The following PCDHB15 variants were observed in gnomAD, a reference collection of about 807,000 sequenced individuals.
PCDHB15 encodes protocadherin beta-15.
For missense variants in PCDHB15, 1,032 were observed against 991.7 expected (o/e 1.04, Z -0.55); for synonymous variants, 492 against 447.9 (o/e 1.10, Z -1.24).
chr5:141,247,312 G>A lies in PCDHB15; in HGVS notation c.1734G>A (p.Arg578=), dbSNP rs782628315. Residue 578 remains arginine (R), a synonymous_variant, in exon 1 of 1, where the codon CGG becomes CGA. Transcript: ENST00000231173. ...CGCCCTGCACCGAGCTGGTGCCCCG[G>A]GCGGCCGAGCCGGGCTACCTGGTGA... ...GSAPCTELVP[R]AAEPGYLVTK... is the part of the protein sequence containing the mutation. The A allele has an allele frequency of 1.1e-5, 17 of 1,608,508 alleles. No individual in the cohort carries two copies. In the Admixed American group the frequency reaches 2.7e-4, roughly 25 times the overall value.
chr5:141,246,878 G>T lies in PCDHB15; in HGVS notation c.1300G>T (p.Glu434Ter), dbSNP rs139501982. Reference sequence around the variant, plus strand: ...CTTGGGGACTCCAAGGCTGAAAACCGAGCAGAGCATAACCGTGCTGGTGTC... The same window carrying T: ...CTTGGGGACTCCAAGGCTGAAAACCTAGCAGAGCATAACCGTGCTGGTGTC... The part of the protein sequence containing the change: ...TDLGTPRLKT[E>*]QSITVLVSDV... The change falls in exon 1 of 1, where the codon GAG (glutamate) becomes TAG (stop). Residue 434 changes from glutamate (E) to a stop codon, truncating the protein, a stop_gained. Transcript: ENST00000231173. LOFTEE classifies it low-confidence loss of function (END_TRUNC). 3.7e-6 allele frequency: 6 copies of T among 1,613,976 alleles called. No homozygotes were observed. Among genetic ancestry groups the T allele is most frequent in the East Asian group, 4.5e-5 (2 of 44,880 alleles).
rs781798504 is a variant in PCDHB15, at chr5:141,245,919, TG to T, written c.343del (p.Glu115LysfsTer8). 2.5e-6 allele frequency: 4 copies of T among 1,614,162 alleles called. No individual in the cohort carries two copies. Among genetic ancestry groups the T allele is most frequent in the Non-Finnish European group, 3.4e-6 (4 of 1,180,030 alleles). Reference sequence around the variant, plus strand: ...TTCCAAGTGTTACTGAAAAAACCTTTGGAAGTATTTCGAGCTGAACTACTAG... The same window carrying T: ...TTCCAAGTGTTACTGAAAAAACCTTTGAAGTATTTCGAGCTGAACTACTAG... ...MHFQVLLKKP[L>X]EVFRAELLVT... On this transcript the variant is annotated frameshift_variant, in exon 1 of 1. Coordinates refer to ENST00000231173, the MANE Select transcript of PCDHB15 (RefSeq NM_018935.4). LOFTEE classifies it low-confidence loss of function (END_TRUNC).
chr5:141,247,088 G>T lies in PCDHB15; in HGVS notation c.1510G>T (p.Val504Phe), dbSNP rs782744231. 1 of 1,613,976 alleles carries T rather than the reference G, an allele frequency of 6.2e-7. No individual in the cohort carries two copies. Among genetic ancestry groups the T allele is most frequent in the Admixed American group, 1.7e-5 (1 of 60,014 alleles). The change falls in exon 1 of 1, where the codon GTC becomes TTC. Residue 504 changes from valine (V) to phenylalanine (F), a missense_variant. Transcript: ENST00000231173. ...RDPHLPLTSL[V>F]SINTDNGHLF... ...CCCGCACCTGCCCCTCACCTCCCTG[G>T]TCTCCATTAACACGGACAACGGCCA...
In PCDHB15 at chr5:141,247,289, C is replaced by T. The variant is rs1233965125; in HGVS notation, c.1711C>T (p.Pro571Ser). Residue 571 changes from proline to serine, a missense_variant, in exon 1 of 1, where the codon CCC (proline) becomes TCC (serine). Transcript: ENST00000231173. Reference protein sequence around the residue: ...VLYPLQNGSAPCTELVPRAAE... With the variant: ...VLYPLQNGSASCTELVPRAAE... The stretch of plus-strand genomic sequence containing the variant: ...GTACCCGCTGCAGAACGGCTCCGCG[C>T]CCTGCACCGAGCTGGTGCCCCGGGC... 1 of 1,610,004 alleles carries T rather than the reference C, an allele frequency of 6.2e-7. No individual in the cohort carries two copies. Among genetic ancestry groups the T allele is most frequent in the East Asian group, 2.2e-5 (1 of 44,858 alleles).
chr5:141,248,004 T>G lies in PCDHB15; in HGVS notation c.*62T>G. ...TTGTCTTCCTCACTTTTCACCTTAG[T>G]TTTTTTTAACCCTTTAGTAATCTTG... is the stretch of plus-strand genomic sequence containing the variant. On this transcript the variant is annotated 3_prime_UTR_variant, in exon 1 of 1. Coordinates refer to ENST00000231173, the MANE Select transcript of PCDHB15 (RefSeq NM_018935.4). 6.8e-7 allele frequency: 1 copy of G among 1,462,128 alleles called. No individual in the cohort carries two copies. The highest frequency in any genetic ancestry group is 9.2e-7 in the Non-Finnish European group (1 of 1,089,832). 90.6% of individuals were successfully genotyped at this position (1,462,128 alleles called of 1,614,324 possible).
rs1755306264 is a variant in PCDHB15, at chr5:141,247,506, T to C, written c.1928T>C (p.Leu643Pro). 2 of 1,608,868 alleles carry C rather than the reference T, an allele frequency of 1.2e-6. No individual in the cohort carries two copies. Among genetic ancestry groups the C allele is most frequent in the African/African-American group, 1.3e-5 (1 of 74,868 alleles). Residue 643 changes from leucine to proline, a missense_variant, in exon 1 of 1, where the codon CTG (leucine) becomes CCG (proline). Coordinates refer to ENST00000231173, the MANE Select transcript of PCDHB15 (RefSeq NM_018935.4). ...RDVAKHRLVVLVKDNGEPPRS... is the reference protein window; with the variant it reads ...RDVAKHRLVVPVKDNGEPPRS... ...GTGGCCAAGCACAGGCTAGTGGTGC[T>C]GGTCAAGGACAATGGCGAGCCTCCG...
In PCDHB15 at chr5:141,246,799, G is replaced by C. The variant is rs1278877065; in HGVS notation, c.1221G>C (p.Gly407=). 1.2e-6 allele frequency: 2 copies of C among 1,614,056 alleles called. No homozygotes were observed. The highest frequency in any genetic ancestry group is 1.7e-6 in the Non-Finnish European group (2 of 1,179,992). ...ATTTCTACAGGCTGGTAACAGAAGGGGCGCTGGACAGAGAGACCAGAGCCG... is the reference window on the plus strand; with the variant it reads ...ATTTCTACAGGCTGGTAACAGAAGGCGCGCTGGACAGAGAGACCAGAGCCG... ...VENFYRLVTE[G]ALDRETRAEY... The change falls in exon 1 of 1, where the codon GGG becomes GGC. Residue 407 remains glycine, a synonymous_variant. Coordinates refer to ENST00000231173, the MANE Select transcript of PCDHB15 (RefSeq NM_018935.4).
chr5:141,246,799 G>A lies in PCDHB15; in HGVS notation c.1221G>A (p.Gly407=). The part of the protein sequence containing the change: ...VENFYRLVTE[G]ALDRETRAEY... ...ATTTCTACAGGCTGGTAACAGAAGG[G>A]GCGCTGGACAGAGAGACCAGAGCCG... is the stretch of plus-strand genomic sequence containing the variant. The change falls in exon 1 of 1, where the codon GGG becomes GGA. Residue 407 remains glycine (G), a synonymous_variant. Transcript: ENST00000231173. 1 of 1,614,056 alleles carries A rather than the reference G, an allele frequency of 6.2e-7. No homozygotes were observed. The highest frequency in any genetic ancestry group is 1.3e-5 in the African/African-American group (1 of 75,006).
In PCDHB15 at chr5:141,245,869, C is replaced by A. The variant is rs1423701386; in HGVS notation, c.291C>A (p.Gly97=). ...AGCTGGACCGGGAGAAGCTGTGTGG[C>A]CCTACTGAGCCCTGTATAATGCATT... The part of the protein sequence containing the change: ...NEKLDREKLC[G]PTEPCIMHFQ... The change falls in exon 1 of 1, where the codon GGC becomes GGA. Residue 97 remains glycine (G), a synonymous_variant. Transcript: ENST00000231173. 2 of 1,613,998 alleles carry A rather than the reference C, an allele frequency of 1.2e-6. No homozygotes were observed. Among genetic ancestry groups the A allele is most frequent in the East Asian group, 2.2e-5 (1 of 44,888 alleles).
In PCDHB15 at chr5:141,246,439, G is replaced by A. The variant is rs142758393; in HGVS notation, c.861G>A (p.Glu287=). The change falls in exon 1 of 1, where the codon GAG becomes GAA. Residue 287 remains glutamate, a synonymous_variant. Coordinates refer to ENST00000231173, the MANE Select transcript of PCDHB15 (RefSeq NM_018935.4). ...ISYSLYYSSQ[E]IDKPFELSSL... ...ACTCCCTTTATTACAGCTCTCAGGA[G>A]ATAGACAAACCTTTTGAGCTAAGCA... 67 of 1,614,156 alleles carry A rather than the reference G, an allele frequency of 4.2e-5. No homozygotes were observed. In the African/African-American group the frequency reaches 6.3e-4, roughly 15 times the overall value.
chr5:141,245,898 A>G lies in PCDHB15; in HGVS notation c.320A>G (p.Gln107Arg). 6.2e-7 allele frequency: 1 copy of G among 1,614,180 alleles called. No individual in the cohort carries two copies. The highest frequency in any genetic ancestry group is 8.5e-7 in the Non-Finnish European group (1 of 1,180,024). Residue 107 changes from glutamine (Q) to arginine (R), a missense_variant, in exon 1 of 1, where the codon CAA becomes CGA. Physicochemically the swap from Gln to Arg is conservative, Grantham distance 43. Transcript: ENST00000231173. ...ACTGAGCCCTGTATAATGCATTTCCAAGTGTTACTGAAAAAACCTTTGGAA... is the reference window on the plus strand; with the variant it reads ...ACTGAGCCCTGTATAATGCATTTCCGAGTGTTACTGAAAAAACCTTTGGAA... ...GPTEPCIMHFQVLLKKPLEVF... is the reference protein window; with the variant it reads ...GPTEPCIMHFRVLLKKPLEVF...
Position 141,246,040 on chromosome 5 carries a change from GA to G in PCDHB15, c.468del (p.Ala157LeufsTer54). 6.2e-7 allele frequency: 1 copy of G among 1,614,114 alleles called. No individual in the cohort carries two copies. The highest frequency in any genetic ancestry group is 8.5e-7 in the Non-Finnish European group (1 of 1,180,016). On this transcript the variant is annotated frameshift_variant, in exon 1 of 1. Transcript: ENST00000231173. LOFTEE classifies it low-confidence loss of function (END_TRUNC). ...TSSLGTVFPL[K>X]KARDLDVGSN... is the part of the protein sequence containing the mutation. ...GCTCCCTTGGGACTGTGTTTCCTCT[GA>G]AAAAAGCTCGGGACTTGGACGTGGG...
In PCDHB15 at chr5:141,246,260, A is replaced by T; in HGVS notation, c.682A>T (p.Ile228Phe). The T allele has an allele frequency of 6.2e-6, 10 of 1,614,066 alleles. No individual in the cohort carries two copies. The highest frequency in any genetic ancestry group is 2.2e-5 in the East Asian group (1 of 44,860). Residue 228 changes from isoleucine (I) to phenylalanine (F), a missense_variant, in exon 1 of 1, where the codon ATC becomes TTC. Coordinates refer to ENST00000231173, the MANE Select transcript of PCDHB15 (RefSeq NM_018935.4). ...GSPPRSGTVQ[I>F]LILVLDANDN... ...TCCACCCCGATCTGGCACCGTCCAG[A>T]TCCTCATCTTGGTCTTGGACGCCAA... is the stretch of plus-strand genomic sequence containing the variant.
chr5:141,246,818 A>G lies in PCDHB15; in HGVS notation c.1240A>G (p.Arg414Gly), dbSNP rs782670686. ...AGAAGGGGCGCTGGACAGAGAGACC[A>G]GAGCCGAGTACAACATCACCATCAC... ...VTEGALDRETRAEYNITITIT... is the reference protein window; with the variant it reads ...VTEGALDRETGAEYNITITIT... The change falls in exon 1 of 1, where the codon AGA (arginine) becomes GGA (glycine). Residue 414 changes from arginine to glycine, a missense_variant. Arg to Gly is a moderately radical substitution (Grantham distance 125). Coordinates refer to ENST00000231173, the MANE Select transcript of PCDHB15 (RefSeq NM_018935.4). 71 of 1,614,096 alleles carry G rather than the reference A, an allele frequency of 4.4e-5. No individual in the cohort carries two copies. Among genetic ancestry groups the G allele is most frequent in the Non-Finnish European group, 5.5e-5 (65 of 1,180,052 alleles).
chr5:141,247,665 C>G lies in PCDHB15; in HGVS notation c.2087C>G (p.Ser696Trp), dbSNP rs1554292293. The G allele has an allele frequency of 6.2e-7, 1 of 1,610,266 alleles. No homozygotes were observed. The highest frequency in any genetic ancestry group is 2.2e-5 in the East Asian group (1 of 44,882). Residue 696 changes from serine (S) to tryptophan (W), a missense_variant, in exon 1 of 1, where the codon TCG becomes TGG. Ser to Trp is a radical substitution (Grantham distance 177, BLOSUM62 -3). Coordinates refer to ENST00000231173, the MANE Select transcript of PCDHB15 (RefSeq NM_018935.4). ...GTCTACCTGGTGGTGGCATTGGCCT[C>G]GGTGTCTTCGCTCTTCCTCTTCTCG... is the stretch of plus-strand genomic sequence containing the variant. ...LTVYLVVALA[S>W]VSSLFLFSVF...
rs782770803 is a variant in PCDHB15, at chr5:141,247,703, G to A, written c.2125G>A (p.Val709Met). The change falls in exon 1 of 1, where the codon GTG becomes ATG. Residue 709 changes from valine to methionine, a missense_variant. Physicochemically the swap from Val to Met is conservative, Grantham distance 21. Transcript: ENST00000231173. ...CTTCCTCTTCTCGGTGTTCCTGTTC[G>A]TGGCAGTGCGGCTGTGCAGGAGGAG... The part of the protein sequence containing the change: ...SLFLFSVFLF[V>M]AVRLCRRSRA... The A allele has an allele frequency of 3.7e-6, 6 of 1,612,360 alleles. No individual in the cohort carries two copies. The highest frequency in any genetic ancestry group is 1.7e-5 in the Admixed American group (1 of 60,000).
chr5:141,246,695 C>A lies in PCDHB15; in HGVS notation c.1117C>A (p.Arg373=), dbSNP rs139626656. 6.2e-7 allele frequency: 1 copy of A among 1,614,008 alleles called. No homozygotes were observed. Among genetic ancestry groups the A allele is most frequent in the South Asian group, 1.1e-5 (1 of 91,062 alleles). ...AGTGGCCCTGTTTAGGATTAGAGAC[C>A]GAGACTCTGGGGAAAATGGAAAAAT... is the stretch of plus-strand genomic sequence containing the variant. ...TEVALFRIRD[R]DSGENGKMIC... is the part of the protein sequence containing the mutation. Residue 373 remains arginine (R), a synonymous_variant, in exon 1 of 1, where the codon CGA becomes AGA. Transcript: ENST00000231173.
Position 141,247,027 on chromosome 5 carries a change from C to T in PCDHB15, c.1449C>T (p.Asn483=), listed in dbSNP as rs781919155. Residue 483 remains asparagine, a synonymous_variant, in exon 1 of 1, where the codon AAC becomes AAT. Coordinates refer to ENST00000231173, the MANE Select transcript of PCDHB15 (RefSeq NM_018935.4). ...VSATDRDSGT[N]AQVTYSLLPP... ...CCACAGACAGAGACTCGGGCACCAA[C>T]GCCCAGGTCACCTACTCGCTGCTGC... 6 of 1,613,626 alleles carry T rather than the reference C, an allele frequency of 3.7e-6. No individual in the cohort carries two copies. Among genetic ancestry groups the T allele is most frequent in the Admixed American group, 3.3e-5 (2 of 60,030 alleles).
Position 141,248,201 on chromosome 5 carries a change from A to C in PCDHB15, c.*259A>C. 3.6e-6 allele frequency: 1 copy of C among 275,680 alleles called. No individual in the cohort carries two copies. The highest frequency in any genetic ancestry group is 7.1e-6 in the Non-Finnish European group (1 of 141,112). 17.1% of individuals were successfully genotyped at this position (275,680 alleles called of 1,614,324 possible). ...TTCCTGAAGGGTGATATGAAAGTTA[A>C]CCCCACCTAATAAACATAACTCTAA... On this transcript the variant is annotated 3_prime_UTR_variant, in exon 1 of 1. Transcript: ENST00000231173.
Sources: allele counts gnomAD v4.1 joint callset, GRCh38; gene constraint gnomAD v4.1.1; transcripts MANE v1.5; gene names NCBI Gene and HGNC (gene_info 2026-07-23, HGNC 2026-07-21).